MYOM2: variants seen among roughly 807,000 people sequenced by gnomAD.
MYOM2 encodes the protein myomesin 2.
MYOM2 carries 254 observed loss-of-function variants against 187.6 expected under a neutral mutation model. That is an observed-to-expected ratio of 1.35 (90% CI 1.22 to 1.50). The LOEUF is 1.50. Ranked by LOEUF, MYOM2 falls within the 40% of genes most tolerant of loss-of-function variation. The pLI is 0.00. For missense variants in MYOM2, 2,796 were observed against 1,924.0 expected (o/e 1.45, Z -8.48); for synonymous variants, 981 against 753.8 (o/e 1.30, Z -4.94).
chr8:2,143,036 G>A lies in MYOM2; in HGVS notation c.4025-365G>A, dbSNP rs3824167. On this transcript the variant is annotated intron_variant, in intron 35 of 36. Coordinates refer to ENST00000262113, the MANE Select transcript of MYOM2 (RefSeq NM_003970.4). ...CTCCCAAAGTGTTGGGATTACAGGC[G>A]TGAGCCACTGCGCCTGGCCAGGACC... Among the ~76,000 whole-genome samples the A allele has an allele frequency of 1.8e-4, 28 of 151,896 alleles. No individual in the cohort carries two copies. The South Asian group carries it at 5.4e-3, about 29-fold the overall frequency.
intron 18 of MYOM2, among the ~76,000 whole-genome samples, chr8:2,098,643 C>A (rs1027173399): frequency 6.6e-6 from 1 of 152,198 alleles, no homozygotes; most frequent in Non-Finnish European, 1.5e-5. Flanking sequence ...TTTGGGAAAT[C>A]ACTTTGGGGA....
chr8:2,062,542 C>T (rs1818885470), intron 6 of MYOM2, among the ~76,000 whole-genome samples: 1 of 152,166 alleles, frequency 6.6e-6, no homozygotes, highest in Non-Finnish European at 1.5e-5. Context: ...CGGGGTAGGC[C>T]TGGGTTGGGC....
intron 22 of MYOM2, 39 bp downstream of exon 22, chr8:2,106,437 G>C (rs1796895294): frequency 6.2e-7 from 1 of 1,611,074 alleles, no homozygotes. Flanking sequence ...GAAACTTTTA[G>C]AAGTTCCTGC....
chr8:2,065,200 G>A (rs887785838), intron 6 of MYOM2, among the ~76,000 whole-genome samples: 17 of 152,222 alleles, frequency 1.1e-4, no homozygotes, highest in African/African-American at 4.1e-4. Flanking sequence ...ATAGTCAGTA[G>A]ATAAGAATGA....
rs185873769 is a variant in MYOM2, at chr8:2,135,207, G to A, written c.3801-5516G>A. Among the ~76,000 whole-genome samples the A allele has an allele frequency of 3.0e-3, 460 of 152,206 alleles. 5 individuals are homozygous for A. Among genetic ancestry groups the A allele is most frequent in the African/African-American group, 0.01 (431 of 41,508 alleles). On this transcript the variant is annotated intron_variant, in intron 32 of 36. Transcript: ENST00000262113. The stretch of plus-strand genomic sequence containing the variant: ...TTCAGAATTAGTAACTCATATCTCT[G>A]TGAGAAACAAATGTGCATACTAGAG...
chr8:2,073,341 G>A lies in MYOM2; in HGVS notation c.961G>A (p.Val321Met), dbSNP rs2272720. The change falls in exon 10 of 37, where the codon GTG becomes ATG. Residue 321 changes from valine to methionine, a missense_variant and splice_region_variant. By Grantham distance (21) the Val-to-Met change is conservative (BLOSUM62 1). Coordinates refer to ENST00000262113, the MANE Select transcript of MYOM2 (RefSeq NM_003970.4). Reference sequence around the variant, plus strand: ...CTTCCGTGTTAACGCTCTTTCAGACGTGCTGTTGAAAGAGTCCAAGTGGAC... The same window carrying A: ...CTTCCGTGTTAACGCTCTTTCAGACATGCTGTTGAAAGAGTCCAAGTGGAC... The part of the protein sequence containing the change: ...QPRAEWYRDD[V>M]LLKESKWTKM... 7.9e-5 allele frequency: 127 copies of A among 1,603,418 alleles called. 1 individual carries two copies. The highest frequency in any genetic ancestry group is 2.7e-5 in the African/African-American group (2 of 74,380).
chr8:2,069,382 G>A lies in MYOM2; in HGVS notation c.742+16G>A. 6.2e-7 allele frequency: 1 copy of A among 1,613,916 alleles called. No individual in the cohort carries two copies. Among genetic ancestry groups the A allele is most frequent in the Non-Finnish European group, 8.5e-7 (1 of 1,179,816 alleles). ...GTGGTGAGAAGTGAGTGCCGGGTGG[G>A]CTTTCACGGGGCACCTCCCGCCTCC... is the stretch of plus-strand genomic sequence containing the variant. On this transcript the variant is annotated intron_variant, in intron 7 of 36. Transcript: ENST00000262113.
At chr8:2,120,971 A>C (rs914089734) in intron 28 of MYOM2, among the ~76,000 whole-genome samples, 3 of 151,876 alleles carry the variant, frequency 2.0e-5, no homozygotes, top group African/African-American at 7.3e-5. Context: ...AAATGAAAAC[A>C]TTTATAAAAG....
At chr8:2,064,558 C>G (rs1219506799) in intron 6 of MYOM2, among the ~76,000 whole-genome samples, 2 of 152,154 alleles carry the variant, frequency 1.3e-5, no homozygotes, top group African/African-American at 2.4e-5. Context: ...GGAGGCCAAG[C>G]GGATGGAGGG....
intron 6 of MYOM2, among the ~76,000 whole-genome samples, chr8:2,061,778 G>C (rs1224331012): frequency 1.3e-5 from 2 of 152,230 alleles, no homozygotes; most frequent in Non-Finnish European, 2.9e-5. Context: ...AGATAAATCC[G>C]GGTTTCTCTA....
intron 11 of MYOM2, among the ~76,000 whole-genome samples, chr8:2,077,376 T>C (rs1436074707): frequency 6.6e-6 from 1 of 152,106 alleles, no homozygotes; most frequent in Admixed American, 6.5e-5. Flanking sequence ...TGGTTCCTGG[T>C]AGAAATGCAA....
chr8:2,093,375 T>A (rs777209977), intron 16 of MYOM2, among the ~76,000 whole-genome samples: 1 of 152,222 alleles, frequency 6.6e-6, no homozygotes, highest in Non-Finnish European at 1.5e-5. Context: ...AATAATTGCT[T>A]ACACGGACTG....
At chr8:2,102,560 A>T in intron 20 of MYOM2, 107 bp from the exon 21 acceptor site, 1 of 614,950 alleles carries the variant, frequency 1.6e-6, no homozygotes, top group South Asian at 2.8e-5. Context: ...CCTAACTGGA[A>T]AAATAAGCTA....
chr8:2,083,248 C>T (rs1212786576), intron 13 of MYOM2, among the ~76,000 whole-genome samples: 1 of 151,780 alleles, frequency 6.6e-6, no homozygotes, highest in East Asian at 1.9e-4. Flanking sequence ...GTGAGGGCAG[C>T]ATCAGTGCCC....
At chr8:2,110,976 A>G (rs1471437036) in intron 25 of MYOM2, among the ~76,000 whole-genome samples, 1 of 152,244 alleles carries the variant, frequency 6.6e-6, no homozygotes, top group Non-Finnish European at 1.5e-5. Context: ...TTTGGGCTGC[A>G]AAAAAGCCAG....
intron 32 of MYOM2, among the ~76,000 whole-genome samples, chr8:2,132,785 T>A (rs4262342): frequency 0.23 from 34,958 of 151,612 alleles, 4,235 homozygotes; most frequent in Middle Eastern, 0.31. Flanking sequence ...TTTTAATTCA[T>A]TTCAGGAGAT....
chr8:2,085,580 GATCTCT>G (rs1819830680), intron 14 of MYOM2, among the ~76,000 whole-genome samples, 190 bp downstream of exon 14: 1 of 18,236 alleles, frequency 5.5e-5, no homozygotes, highest in Admixed American at 7.4e-4. Context: ...CCACTGTTGT[GATCTCT>G]GCGTGGCCCC....
chr8:2,136,478 T>A (rs1798074551), intron 32 of MYOM2, among the ~76,000 whole-genome samples: 2 of 152,166 alleles, frequency 1.3e-5, no homozygotes, highest in Non-Finnish European at 2.9e-5. Context: ...CTGGCTGAGA[T>A]TTGGGTTCAA....
intron 6 of MYOM2, among the ~76,000 whole-genome samples, chr8:2,066,913 A>G (rs899334087): frequency 6.6e-6 from 1 of 152,192 alleles, no homozygotes; most frequent in African/African-American, 2.4e-5. Context: ...AGCTTTGCTG[A>G]TGGCTTTGTA....
Sources: allele counts gnomAD v4.1 joint callset (sites outside exome capture counted in the v4.1 genomes callset), GRCh38; gene constraint gnomAD v4.1.1; transcripts MANE v1.5; gene names NCBI Gene and HGNC (gene_info 2026-07-23, HGNC 2026-07-21).